NDUFA8: variants seen among roughly 807,000 people sequenced by gnomAD.
The protein encoded by NDUFA8 is NADH dehydrogenase [ubiquinone] 1 alpha subcomplex subunit 8.
A neutral mutation model predicts 20.9 loss-of-function variants in NDUFA8; 16 were observed. The ratio of observed to expected loss-of-function variants is 0.77; its 90% CI spans 0.52 to 1.16. The LOEUF (loss-of-function observed/expected upper bound fraction) is 1.16, where lower values mean the gene tolerates loss of function less well. NDUFA8 is among the 50% of genes most tolerant of loss of function. NDUFA8 has a pLI of 0.00. For missense variants in NDUFA8, 202 were observed against 216.4 expected, an observed-to-expected ratio of 0.93 and a Z score of 0.42; for synonymous variants, 70 against 76.1, an observed-to-expected ratio of 0.92 and a Z score of 0.41.
chr9:122,148,064 T>A (rs754765344), intron 3 of NDUFA8, 48 bp downstream of exon 3: 6 of 1,612,028 alleles, frequency 3.7e-6, no homozygotes, highest in Non-Finnish European at 5.1e-6. Flanking sequence ...CCTGCCTTTA[T>A]CCCACCCCTG....
chr9:122,135,229 G>A, the NDUFA8 span, among the ~76,000 whole-genome samples: 4 of 152,306 alleles, frequency 2.6e-5, no homozygotes, highest in African/African-American at 9.6e-5. Flanking sequence ...CCCATTGGCC[G>A]CACACCTAGT....
intron 1 of NDUFA8, among the ~76,000 whole-genome samples, chr9:122,158,279 C>G (rs558089474): frequency 6.6e-6 from 1 of 152,304 alleles, no homozygotes; most frequent in East Asian, 1.9e-4. Flanking sequence ...TGCCATGACA[C>G]TCCTCTGCCT....
chr9:122,143,788 G>A (rs1008620388), downstream of NDUFA8, among the ~76,000 whole-genome samples: 1 of 152,198 alleles, frequency 6.6e-6, no homozygotes, highest in Non-Finnish European at 1.5e-5. Flanking sequence ...GACCTTTAGA[G>A]AAATCTATTT....
intron 2 of NDUFA8, among the ~76,000 whole-genome samples, chr9:122,148,785 C>T (rs1373759021): frequency 1.3e-5 from 2 of 152,128 alleles, no homozygotes; most frequent in African/African-American, 4.8e-5. Context: ...TACTCCACTC[C>T]TCAAAAGCTC....
intron 3 of NDUFA8, among the ~76,000 whole-genome samples, chr9:122,145,748 T>C (rs1564407905): frequency 2.0e-5 from 3 of 152,204 alleles, no homozygotes; most frequent in Admixed American, 1.3e-4. Flanking sequence ...CTAGTTTCGT[T>C]TGTTTGCTTT....
Position 122,144,308 on chromosome 9 carries a change from C to G in NDUFA8, c.452G>C (p.Ser151Thr). Residue 151 changes from serine (S) to threonine (T), a missense_variant, in exon 4 of 4, where the codon AGC (serine) becomes ACC (threonine). Ser to Thr is a moderately conservative substitution (Grantham distance 58). Coordinates refer to ENST00000373768, the MANE Select transcript of NDUFA8 (RefSeq NM_014222.3). ...PYHSRPRPDPSPEIEGDLQPA... is the reference protein window; with the variant it reads ...PYHSRPRPDPTPEIEGDLQPA... Reference sequence around the variant, plus strand: ...CTGCAGATCTCCCTCGATCTCAGGGCTGGGATCCGGTCTTGGTCTTGAGTG... The same window carrying G: ...CTGCAGATCTCCCTCGATCTCAGGGGTGGGATCCGGTCTTGGTCTTGAGTG... The G allele has an allele frequency of 6.2e-7, 1 of 1,614,162 alleles. No individual in the cohort carries two copies. The highest frequency in any genetic ancestry group is 8.5e-7 in the Non-Finnish European group (1 of 1,180,022).
chr9:122,138,099 T>A, the NDUFA8 span, among the ~76,000 whole-genome samples: 2 of 152,178 alleles, frequency 1.3e-5, no homozygotes, highest in African/African-American at 4.8e-5. Flanking sequence ...CAAACCACTG[T>A]CATATGACAT....
chr9:122,136,293 G>A, the NDUFA8 span, among the ~76,000 whole-genome samples: 11 of 152,168 alleles, frequency 7.2e-5, no homozygotes, highest in Non-Finnish European at 1.5e-4. Flanking sequence ...TATTTTGATA[G>A]ATGTACCAAA....
At chr9:122,141,850 G>A (rs953573449), downstream of NDUFA8, among the ~76,000 whole-genome samples, 4 of 152,098 alleles carry the variant, frequency 2.6e-5, no homozygotes, top group Admixed American at 6.5e-5. Flanking sequence ...TAATCCCATC[G>A]CGAGTACAGG....
downstream of NDUFA8, among the ~76,000 whole-genome samples, chr9:122,142,192 G>C (rs1828832357): frequency 6.6e-6 from 1 of 152,142 alleles, no homozygotes; most frequent in Non-Finnish European, 1.5e-5. Context: ...CAGACCTACT[G>C]AATCAAAATC....
the NDUFA8 span, among the ~76,000 whole-genome samples, chr9:122,137,747 G>C: frequency 6.6e-6 from 1 of 152,188 alleles, no homozygotes; most frequent in Non-Finnish European, 1.5e-5. Flanking sequence ...CAGCAAGCTG[G>C]CTAATAGAGA....
downstream of NDUFA8, among the ~76,000 whole-genome samples, chr9:122,139,993 C>G (rs913035441): frequency 6.6e-6 from 1 of 152,260 alleles, no homozygotes; most frequent in African/African-American, 2.4e-5. Context: ...GCGCCCGGCC[C>G]CAGACCAATT....
Position 122,159,768 on chromosome 9 carries a change from G to A in NDUFA8, c.-91C>T, listed in dbSNP as rs1829157887. On this transcript the variant is annotated 5_prime_UTR_variant, in exon 1 of 4. Transcript: ENST00000373768. ...CCTTTCGACCGCCGAGTGCCACACGGCGCCTGCGCATGCGCATCCGGCAAC... is the reference window on the plus strand; with the variant it reads ...CCTTTCGACCGCCGAGTGCCACACGACGCCTGCGCATGCGCATCCGGCAAC... The A allele has an allele frequency of 1.3e-6, 2 of 1,589,878 alleles. No individual in the cohort carries two copies. The highest frequency in any genetic ancestry group is 1.7e-6 in the Non-Finnish European group (2 of 1,159,374).
chr9:122,150,933 T>C (rs13297460), intron 2 of NDUFA8, among the ~76,000 whole-genome samples: 64,596 of 143,014 alleles, frequency 0.45, 17,294 homozygotes, highest in Middle Eastern at 0.63. Flanking sequence ...GATCACACCA[T>C]TGCACTCCAG....
the NDUFA8 span, among the ~76,000 whole-genome samples, chr9:122,134,217 C>G: frequency 6.6e-6 from 1 of 152,206 alleles, no homozygotes; most frequent in East Asian, 1.9e-4. Flanking sequence ...AGAGTCAATT[C>G]ACCTTTTCCA....
At position 122,148,049 on chromosome 9, in the gene NDUFA8, C is replaced by T. The variant is rs536763385; in HGVS notation, c.381+63G>A. The stretch of plus-strand genomic sequence containing the variant: ...GTATTTACAGAGACCCTTTGCTGAC[C>T]ACCTCCTGCCTTTATCCCACCCCTG... On this transcript the variant is annotated intron_variant, in intron 3 of 3. Transcript: ENST00000373768. The T allele has an allele frequency of 3.7e-6, 6 of 1,602,082 alleles. No homozygotes were observed. In the East Asian group the frequency reaches 6.7e-5, roughly 18 times the overall value.
At chr9:122,157,269 C>T (rs1337348345) in intron 1 of NDUFA8, among the ~76,000 whole-genome samples, 1 of 152,212 alleles carries the variant, frequency 6.6e-6, no homozygotes, top group African/African-American at 2.4e-5. Context: ...GCCATTTAGT[C>T]ATGTCTTACA....
the NDUFA8 span, among the ~76,000 whole-genome samples, chr9:122,135,883 C>T: frequency 7.9e-5 from 12 of 152,196 alleles, no homozygotes; most frequent in Admixed American, 7.9e-4. Flanking sequence ...GCCACCATGC[C>T]CGGCCTAGCC....
chr9:122,156,289 T>C (rs1382131604), intron 1 of NDUFA8, among the ~76,000 whole-genome samples: 1 of 152,242 alleles, frequency 6.6e-6, no homozygotes, highest in African/African-American at 2.4e-5. Flanking sequence ...CTACACAGTC[T>C]GCAGGTGTGG....
Sources: gnomAD v4.1 joint callset for allele counts (sites outside exome capture counted in the v4.1 genomes callset) on GRCh38, gnomAD v4.1.1 for gene constraint, MANE v1.5 for transcripts, NCBI Gene and HGNC (gene_info 2026-07-23, HGNC 2026-07-21) for gene names.